SLC45A4: variants seen among roughly 807,000 people sequenced by gnomAD.
The protein encoded by SLC45A4 is polyamine-transporter SLC45A4.
In SLC45A4, 32 loss-of-function variants were observed where a neutral mutation model predicts 63.7. The ratio of observed to expected loss-of-function variants is 0.50; its 90% CI spans 0.38 to 0.67. SLC45A4 has a LOEUF of 0.67. SLC45A4 is among the 30% of genes least tolerant of loss of function. SLC45A4 has a pLI of 0.00. For synonymous variants in SLC45A4, 535 were observed against 510.0 expected (o/e 1.05, Z -0.66); for missense variants, 1,027 against 1,157.7 (o/e 0.89, Z 1.64).
chr8:141,257,807 G>A (rs951122563), intron 1 of SLC45A4, among the ~76,000 whole-genome samples: 1 of 152,150 alleles, frequency 6.6e-6, no homozygotes, highest in African/African-American at 2.4e-5. Flanking sequence ...ACAGTGCACA[G>A]AACAGCCTCC....
intron 1 of SLC45A4, among the ~76,000 whole-genome samples, chr8:141,263,806 AAGAG>A (rs1563657470): frequency 6.6e-6 from 1 of 151,682 alleles, no homozygotes; most frequent in African/African-American, 2.4e-5. Flanking sequence ...TAAAAACAAA[AAGAG>A]AGAGAAAGAA....
rs139279110 is a variant in SLC45A4, at chr8:141,243,989, G to T, written c.241+10000C>A. 8.0e-3 allele frequency among the ~76,000 whole-genome samples: 1,211 copies of T among 152,260 alleles called. 17 individuals carry two copies. Among genetic ancestry groups the T allele is most frequent in the African/African-American group, 0.028 (1,172 of 41,518 alleles). On this transcript the variant is annotated intron_variant, in intron 2 of 8. Coordinates refer to ENST00000517878, the MANE Select transcript of SLC45A4 (RefSeq NM_001286646.2). ...GGAAGCTGTTGGTAGTCAGGTTTTA[G>T]GGGGAGTCAAAAGCTACACATGGAT...
chr8:141,232,767 G>C (rs1471516794), intron 2 of SLC45A4, among the ~76,000 whole-genome samples: 1 of 150,478 alleles, frequency 6.6e-6, no homozygotes, highest in African/African-American at 2.5e-5. Flanking sequence ...CTCACAAGCT[G>C]CAACGGGAAC....
At chr8:141,294,861 C>A (rs933988117) in intron 1 of SLC45A4, among the ~76,000 whole-genome samples, 3 of 152,240 alleles carry the variant, frequency 2.0e-5, no homozygotes, top group African/African-American at 7.2e-5. Flanking sequence ...CAATGCCAAA[C>A]CTAGGCCTCA....
chr8:141,232,824 G>T (rs1273247143), intron 2 of SLC45A4, among the ~76,000 whole-genome samples: 1 of 152,234 alleles, frequency 6.6e-6, no homozygotes. Context: ...GCTGCAACGG[G>T]AACACACGCA....
chr8:141,248,001 T>C lies in SLC45A4; in HGVS notation c.241+5988A>G, dbSNP rs138167846. The stretch of plus-strand genomic sequence containing the variant: ...ACGGTATACAAAAATTCACTCAAAA[T>C]GGATCACAGACCTAGGTGAGAGAAC... On this transcript the variant is annotated intron_variant, in intron 2 of 8. Coordinates refer to ENST00000517878, the MANE Select transcript of SLC45A4 (RefSeq NM_001286646.2). Among the ~76,000 whole-genome samples the C allele has an allele frequency of 2.4e-4, 37 of 152,230 alleles. 1 individual carries two copies. The East Asian group carries it at 7.1e-3, about 29-fold the overall frequency.
rs1828665513 is a variant in SLC45A4, at chr8:141,254,247, G to A, written c.-18C>T. 6 of 1,516,814 alleles carry A rather than the reference G, an allele frequency of 4.0e-6. No homozygotes were observed. The highest frequency in any genetic ancestry group is 2.1e-5 in the Admixed American group (1 of 48,250). The allele number at this position is 1,516,814 out of a possible 1,614,324, so 94.0% of individuals were successfully genotyped here. On this transcript the variant is annotated 5_prime_UTR_variant, in exon 2 of 9. Transcript: ENST00000517878. The surrounding 1 kb of genome is among the most constrained non-coding windows in gnomAD (Gnocchi z 4.5). ...ATTTTCATTACCACCAAAAATATATGTATTTATCTATATATTCTATCTATA... is the reference window on the plus strand; with the variant it reads ...ATTTTCATTACCACCAAAAATATATATATTTATCTATATATTCTATCTATA...
chr8:141,289,293 C>A (rs2154615249), intron 1 of SLC45A4, among the ~76,000 whole-genome samples: 1 of 152,244 alleles, frequency 6.6e-6, no homozygotes, highest in East Asian at 1.9e-4. Context: ...TACTTTTGTC[C>A]TTTTTAGTGA....
chr8:141,304,572 A>AG (rs1830842178), intron 1 of SLC45A4, among the ~76,000 whole-genome samples: 3 of 82,414 alleles, frequency 3.6e-5, no homozygotes, highest in Admixed American at 1.3e-4. Flanking sequence ...AAAAAAAAAA[A>AG]AGGGGGGGAG....
Position 141,252,606 on chromosome 8 carries a change from C to T in SLC45A4, c.241+1383G>A, listed in dbSNP as rs1305955275. ...CTGTGAATTTCCGTGTTTTCATGCC[C>T]ACCTGTGCATCTGTGAATTTCCGTG... On this transcript the variant is annotated intron_variant, in intron 2 of 8. Coordinates refer to ENST00000517878, the MANE Select transcript of SLC45A4 (RefSeq NM_001286646.2). 5 of 131,768 alleles carry T rather than the reference C, an allele frequency of 3.8e-5. 1 individual carries two copies. The highest frequency in any genetic ancestry group is 8.7e-5 in the Non-Finnish European group (5 of 57,486). 8.2% of individuals were successfully genotyped at this position (131,768 alleles called of 1,614,324 possible).
Position 141,209,828 on chromosome 8 carries a change from G to C in SLC45A4, c.*1744C>G, listed in dbSNP as rs1329023428. 6.6e-6 allele frequency: 1 copy of C among 152,254 alleles called. No homozygotes were observed. The highest frequency in any genetic ancestry group is 1.5e-5 in the Non-Finnish European group (1 of 68,080). 9.4% of individuals were successfully genotyped at this position (152,254 alleles called of 1,614,324 possible). A position where few individuals can be genotyped will look rare whatever the true frequency, so the allele number is the denominator to read the frequency against. ...TCAAGGGTTAACACACTATTCAGAG[G>C]GGGGTTGCGAAGCCCCTCTTCCTCC... On this transcript the variant is annotated 3_prime_UTR_variant, in exon 9 of 9. Transcript: ENST00000517878.
intron 1 of SLC45A4, among the ~76,000 whole-genome samples, chr8:141,255,265 TA>T (rs113232564): frequency 0.06 from 9,082 of 152,012 alleles, 929 homozygotes; most frequent in African/African-American, 0.21. Flanking sequence ...CTAATTTTTC[TA>T]GGGTCCCCAT....
chr8:141,220,083 G>A (rs560528143), intron 3 of SLC45A4, among the ~76,000 whole-genome samples: 44 of 152,336 alleles, frequency 2.9e-4, no homozygotes, highest in African/African-American at 9.9e-4. Context: ...AAGGGTTTAC[G>A]CGCCCTTGAT....
chr8:141,219,702 C>A lies in SLC45A4; in HGVS notation c.558G>T (p.Val186=). 6.2e-7 allele frequency: 1 copy of A among 1,612,486 alleles called. No individual in the cohort carries two copies. The highest frequency in any genetic ancestry group is 8.5e-7 in the Non-Finnish European group (1 of 1,179,520). Residue 186 remains valine (V), a synonymous_variant, in exon 4 of 9, where the codon GTG becomes GTT. Transcript: ENST00000517878. ...CCATGTCCTGCTCCTCGCTGTCCAC[C>A]ACGTCCAGCAGATAGGCACGGATGG... is the stretch of plus-strand genomic sequence containing the variant. ...EGPIRAYLLD[V]VDSEEQDMAL...
chr8:141,296,836 CAAAAAAA>C (rs34267017), intron 1 of SLC45A4, among the ~76,000 whole-genome samples: 349 of 77,282 alleles, frequency 4.5e-3, no homozygotes, highest in Non-Finnish European at 6.4e-3. Context: ...ACTCCATTGC[CAAAAAAA>C]AAAAAAAAAA....
chr8:141,266,441 T>C lies in SLC45A4; in HGVS notation c.-400-11812A>G, dbSNP rs1027521317. ...ATCAGCCTCGGACGGCCCCGTTCAA[T>C]CTTTACCAATGCAGTTCCCCCAGTC... On this transcript the variant is annotated intron_variant, in intron 1 of 8. Transcript: ENST00000517878. Among the ~76,000 whole-genome samples, 111 of 152,122 alleles carry C rather than the reference T, an allele frequency of 7.3e-4. 6 individuals are homozygous for C. The highest frequency in any genetic ancestry group is 4.4e-5 in the Non-Finnish European group (3 of 68,026).
intron 1 of SLC45A4, among the ~76,000 whole-genome samples, chr8:141,305,942 G>C (rs1310908561): frequency 6.6e-6 from 1 of 152,186 alleles, no homozygotes; most frequent in African/African-American, 2.4e-5. Flanking sequence ...GCAGATCTGC[G>C]GGGCGGGCTG....
At chr8:141,234,808 C>G (rs1172066148) in intron 2 of SLC45A4, among the ~76,000 whole-genome samples, 1 of 152,198 alleles carries the variant, frequency 6.6e-6, no homozygotes, top group African/African-American at 2.4e-5. Context: ...CTCCACGTTC[C>G]GCTCTGGCCC....
At position 141,228,348 on chromosome 8, in the gene SLC45A4, AG is replaced by A. The variant is rs35377785; in HGVS notation, c.242-6584del. On this transcript the variant is annotated intron_variant, in intron 2 of 8. Transcript: ENST00000517878. ...CCACTGTTTCTCCTCTTCAACAAGG[AG>A]GGGCGCCTCAACAGCCTGGCTAGAG... is the stretch of plus-strand genomic sequence containing the variant. 54 of 1,580,872 alleles carry A rather than the reference AG, an allele frequency of 3.4e-5. 1 individual carries two copies. The highest frequency in any genetic ancestry group is 4.3e-5 in the Non-Finnish European group (50 of 1,163,126).
Sources: gnomAD v4.1 joint callset for allele counts (sites outside exome capture counted in the v4.1 genomes callset) on GRCh38, gnomAD v4.1.1 for gene constraint, Gnocchi (gnomAD v3.1) non-coding constraint, MANE v1.5 for transcripts, NCBI Gene and HGNC (gene_info 2026-07-23, HGNC 2026-07-21) for gene names.